Variants in KIF13A observed in about 807,000 individuals in gnomAD.
KIF13A encodes the protein kinesin family member 13A.
KIF13A carries 79 observed loss-of-function variants against 212.2 expected under a neutral mutation model. The observed-to-expected ratio is 0.37, with a 90% CI of 0.31 to 0.45. The LOEUF (loss-of-function observed/expected upper bound fraction) is 0.45, where lower values mean the gene tolerates loss of function less well. KIF13A is among the 20% of genes least tolerant of loss of function. The pLI, the probability that KIF13A is intolerant of heterozygous loss-of-function variation, is 1.00. For synonymous variants in KIF13A, 789 were observed against 808.6 expected (o/e 0.98, Z 0.41); for missense variants, 1,901 against 2,209.0 (o/e 0.86, Z 2.79).
chr6:17,861,384 A>G (rs1380227108), intron 4 of KIF13A, among the ~76,000 whole-genome samples: 1 of 137,768 alleles, frequency 7.3e-6, no homozygotes, highest in Non-Finnish European at 1.6e-5. Context: ...TTTTAACAGG[A>G]GCTCAGCTTT....
At chr6:17,979,313 T>C (rs1272230353) in intron 2 of KIF13A, among the ~76,000 whole-genome samples, 2 of 152,188 alleles carry the variant, frequency 1.3e-5, no homozygotes, top group African/African-American at 2.4e-5. Flanking sequence ...TTCCAGCTTT[T>C]TGTATTAACA....
Position 17,826,119 on chromosome 6 carries a change from C to G in KIF13A, c.1538G>C (p.Cys513Ser), listed in dbSNP as rs1209022824. Reference protein sequence around the residue: ...TLTPKENARSCVNGTLVCSTT... With the variant: ...TLTPKENARSSVNGTLVCSTT... The stretch of plus-strand genomic sequence containing the variant: ...ACTGCACACAAGGGTGCCGTTCACA[C>G]AGGACCTGGGAGAACACGAGGGAAA... The change falls in exon 15 of 39, where the codon TGT becomes TCT. Residue 513 changes from cysteine to serine, a missense_variant. Coordinates refer to ENST00000259711, the MANE Select transcript of KIF13A (RefSeq NM_022113.6). This position sits in a 1 kb window ranked among gnomAD's most constrained non-coding sequence, Gnocchi z 4.7. 9.9e-6 allele frequency: 16 copies of G among 1,613,826 alleles called. No homozygotes were observed. Among genetic ancestry groups the G allele is most frequent in the African/African-American group, 2.7e-5 (2 of 75,056 alleles).
chr6:17,775,107 T>C, intron 34 of KIF13A, 45 bp from the exon 35 acceptor site: 2 of 1,477,376 alleles, frequency 1.4e-6, no homozygotes, highest in Admixed American at 2.0e-5. Context: ...ATATATTTAA[T>C]ATAAGGGGTT....
At chr6:17,887,476 T>G (rs946369191) in intron 3 of KIF13A, among the ~76,000 whole-genome samples, 5 of 152,182 alleles carry the variant, frequency 3.3e-5, no homozygotes, top group Non-Finnish European at 7.4e-5. Context: ...ATGAATTTCT[T>G]GCAAGCACAG....
At chr6:17,767,616 C>T (rs1759130270) in intron 38 of KIF13A, among the ~76,000 whole-genome samples, 1 of 152,134 alleles carries the variant, frequency 6.6e-6, no homozygotes, top group African/African-American at 2.4e-5. Context: ...TTGGCAAACA[C>T]AATTCTCCAA....
chr6:17,960,517 A>G (rs1401642177), intron 2 of KIF13A, among the ~76,000 whole-genome samples: 1 of 152,202 alleles, frequency 6.6e-6, no homozygotes, highest in Non-Finnish European at 1.5e-5. Flanking sequence ...CAAATCAGTG[A>G]CCATTTTGGG....
chr6:17,774,480 T>C (rs1170839590), intron 35 of KIF13A, among the ~76,000 whole-genome samples: 1 of 151,976 alleles, frequency 6.6e-6, no homozygotes, highest in African/African-American at 2.4e-5. Context: ...ATACTGAAAG[T>C]GCATAGCAAT....
chr6:17,787,038 T>C lies in KIF13A; in HGVS notation c.3361+738A>G, dbSNP rs993737404. 2.6e-5 allele frequency among the ~76,000 whole-genome samples: 4 copies of C among 152,206 alleles called. No individual in the cohort carries two copies. The highest frequency in any genetic ancestry group is 9.7e-5 in the African/African-American group (4 of 41,446). On this transcript the variant is annotated intron_variant, in intron 27 of 38. Coordinates refer to ENST00000259711, the MANE Select transcript of KIF13A (RefSeq NM_022113.6). The surrounding 1 kb of genome is among the most constrained non-coding windows in gnomAD (Gnocchi z 4.6). The stretch of plus-strand genomic sequence containing the variant: ...AGCTGAGTGGCAGTGAATAGAGTTG[T>C]AGGGGCCACCCTGAACCAGCGGAGT...
At chr6:17,798,192 CGATGAAAAAACTCCAA>C (rs375768380) in intron 22 of KIF13A, among the ~76,000 whole-genome samples, 6,428 of 151,920 alleles carry the variant, frequency 0.042, 336 homozygotes, top group African/African-American at 0.12. Context: ...TACATTTTAG[CGATGAAAAAACTCCAA>C]GATGAAAAAA....
chr6:17,889,455 T>C (rs1771843174), intron 3 of KIF13A, among the ~76,000 whole-genome samples: 1 of 152,188 alleles, frequency 6.6e-6, no homozygotes, highest in African/African-American at 2.4e-5. Flanking sequence ...CATGAAATTA[T>C]AAGATACTAA....
At chr6:17,881,600 G>A in intron 3 of KIF13A, 1 of 368,816 alleles carries the variant, frequency 2.7e-6, no homozygotes, top group African/African-American at 2.1e-5. Context: ...GGAAGGCTGA[G>A]GCAGGAGAAT....
intron 2 of KIF13A, among the ~76,000 whole-genome samples, chr6:17,929,032 G>C (rs1451568712): frequency 1.1e-5 from 1 of 88,268 alleles, no homozygotes; most frequent in Admixed American, 1.5e-4. Flanking sequence ...TCATGCCACA[G>C]CAATAACTCA....
intron 4 of KIF13A, among the ~76,000 whole-genome samples, chr6:17,861,018 A>G (rs750438997): frequency 6.6e-6 from 1 of 152,192 alleles, no homozygotes. Context: ...AGTCTCTCTG[A>G]TTTCCACTAA....
At chr6:17,784,575 C>T (rs531139467) in intron 28 of KIF13A, among the ~76,000 whole-genome samples, 1 of 152,148 alleles carries the variant, frequency 6.6e-6, no homozygotes, top group Non-Finnish European at 1.5e-5. Context: ...TCTTCTGAAT[C>T]AACATAACTA....
chr6:17,958,870 C>CTTTTTTTTTTTTTTTT (rs1561805769), intron 2 of KIF13A, among the ~76,000 whole-genome samples: 1 of 102,628 alleles, frequency 9.7e-6, no homozygotes, highest in African/African-American at 4.2e-5. Flanking sequence ...GTGTCTTTTT[C>CTTTTTTTTTTTTTTTT]TTTTTCTTTT....
intron 2 of KIF13A, 109 bp downstream of exon 2, chr6:17,986,945 G>C: frequency 2.7e-6 from 2 of 746,934 alleles, no homozygotes; most frequent in Middle Eastern, 2.4e-4. Flanking sequence ...CGACAAACTT[G>C]AAGCCGTCCT....
At chr6:17,822,189 G>A (rs1362027770) in intron 16 of KIF13A, among the ~76,000 whole-genome samples, 1 of 151,900 alleles carries the variant, frequency 6.6e-6, no homozygotes, top group East Asian at 1.9e-4. Context: ...CTACAGGCAC[G>A]CATCACTACA....
Position 17,805,555 on chromosome 6 carries a change from C to T in KIF13A, c.2224G>A (p.Val742Met). The change falls in exon 19 of 39, where the codon GTG becomes ATG. Residue 742 changes from valine to methionine, a missense_variant. Physicochemically the swap from Val to Met is conservative, Grantham distance 21. Transcript: ENST00000259711. ...TTCTCCAGCTTCTCAATGGTCCACACTTGGGTGCTCTTTCCTTTCCTCCTC... is the reference window on the plus strand; with the variant it reads ...TTCTCCAGCTTCTCAATGGTCCACATTTGGGTGCTCTTTCCTTTCCTCCTC... ...QVRRKGKSTQ[V>M]WTIEKLENKL... 6.2e-7 allele frequency: 1 copy of T among 1,613,616 alleles called. No individual in the cohort carries two copies. The highest frequency in any genetic ancestry group is 8.5e-7 in the Non-Finnish European group (1 of 1,179,626).
At chr6:17,922,696 CT>C (rs1171993244) in intron 2 of KIF13A, among the ~76,000 whole-genome samples, 1 of 151,332 alleles carries the variant, frequency 6.6e-6, no homozygotes, top group Non-Finnish European at 1.5e-5. Context: ...GTCCACTCTT[CT>C]AAAACATGGG....
Sources: gnomAD v4.1 joint callset for allele counts (sites outside exome capture counted in the v4.1 genomes callset) on GRCh38, gnomAD v4.1.1 for gene constraint, Gnocchi (gnomAD v3.1) non-coding constraint, MANE v1.5 for transcripts, NCBI Gene and HGNC (gene_info 2026-07-23, HGNC 2026-07-21) for gene names.